Variants in APOBR observed in about 807,000 individuals in gnomAD.
APOBR encodes apoB-48R.
APOBR carries 57 observed loss-of-function variants against 88.5 expected under a neutral mutation model. The ratio of observed to expected loss-of-function variants is 0.64; its 90% CI spans 0.52 to 0.80. APOBR has a LOEUF of 0.80. Among genes scored for constraint, APOBR ranks in the 30% least tolerant of loss-of-function variants. The pLI is 0.00. For missense variants in APOBR, 1,443 were observed against 1,401.6 expected, an observed-to-expected ratio of 1.03 and a Z score of -0.47; for synonymous variants, 588 against 572.7, an observed-to-expected ratio of 1.03 and a Z score of -0.38.
chr16:28,497,800 AG>A lies in APOBR; in HGVS notation c.2762del (p.Gly921ValfsTer4). ...GAGGCACCAAGGCTCCTTGATGCAG[AG>A]GGTCTCATGGTGACCGGGGGCCGGA... is the stretch of plus-strand genomic sequence containing the variant. ...EGEAPRLLDA[E>X]GLMVTGGRRA... On this transcript the variant is annotated frameshift_variant, in exon 2 of 4. Transcript: ENST00000564831. LOFTEE classifies it high-confidence loss of function. 6.2e-7 allele frequency: 1 copy of A among 1,605,858 alleles called. No homozygotes were observed. Among genetic ancestry groups the A allele is most frequent in the South Asian group, 1.1e-5 (1 of 89,846 alleles).
intron 2 of APOBR, 22 bp from the exon 3 acceptor site, chr16:28,498,059 C>A: frequency 6.5e-7 from 1 of 1,544,066 alleles, no homozygotes; most frequent in Non-Finnish European, 8.7e-7. Context: ...CCCCATGGTC[C>A]TCTGTGCCCC....
chr16:28,495,236 G>C lies in APOBR; in HGVS notation c.195G>C (p.Glu65Asp). 1.3e-6 allele frequency: 2 copies of C among 1,542,304 alleles called. No individual in the cohort carries two copies. Among genetic ancestry groups the C allele is most frequent in the Non-Finnish European group, 1.7e-6 (2 of 1,147,944 alleles). The change falls in exon 2 of 4, where the codon GAG becomes GAC. Residue 65 changes from glutamate to aspartate, a missense_variant. Physicochemically the swap from Glu to Asp is conservative, Grantham distance 45 (BLOSUM62 2). Transcript: ENST00000564831. ...AGATTGTAGAGGAGGAAGCCCAGGA[G>C]GACCTGGAGGGCCTTAGAGGCAGCC... ...TGKIVEEEAQ[E>D]DLEGLRGSQN...
Position 28,498,651 on chromosome 16 carries a change from A to C in APOBR, c.*146A>C. 1.1e-6 allele frequency: 1 copy of C among 928,802 alleles called. No individual in the cohort carries two copies. Among genetic ancestry groups the C allele is most frequent in the Non-Finnish European group, 1.6e-6 (1 of 632,122 alleles). The allele number at this position is 928,802 out of a possible 1,614,324, so 57.5% of individuals were successfully genotyped here. On this transcript the variant is annotated 3_prime_UTR_variant, in exon 4 of 4. Transcript: ENST00000564831. ...TGTCTTGATGTATCATTCATGGAGCAGGCAAAACCAGACGTCTGGGAAGAC... is the reference window on the plus strand; with the variant it reads ...TGTCTTGATGTATCATTCATGGAGCCGGCAAAACCAGACGTCTGGGAAGAC...
In APOBR at chr16:28,496,953, C is replaced by T; in HGVS notation, c.1912C>T (p.Gln638Ter). The change falls in exon 2 of 4, where the codon CAG (glutamine) becomes TAG (stop). Residue 638 changes from glutamine to a stop codon, truncating the protein, a stop_gained. Transcript: ENST00000564831. LOFTEE classifies it high-confidence loss of function. ...TRKDMERGNT[Q>*]EDAADGEQRE... ...AAAGGACATGGAGAGAGGAAATACTCAGGAGGATGCGGCCGATGGCGAGCA... is the reference window on the plus strand; with the variant it reads ...AAAGGACATGGAGAGAGGAAATACTTAGGAGGATGCGGCCGATGGCGAGCA... The T allele has an allele frequency of 6.4e-7, 1 of 1,557,856 alleles. No homozygotes were observed. Among genetic ancestry groups the T allele is most frequent in the Non-Finnish European group, 8.7e-7 (1 of 1,151,698 alleles).
chr16:28,498,532 G>A lies in APOBR; in HGVS notation c.*27G>A, dbSNP rs1422623067. ...TGAGACCCGGTGCTCTGGGAGCCAG[G>A]CCCTGAGTGGGTGCCAGAAGGCTTG... On this transcript the variant is annotated 3_prime_UTR_variant, in exon 4 of 4. Transcript: ENST00000564831. The A allele has an allele frequency of 5.1e-6, 8 of 1,566,080 alleles. No homozygotes were observed. In the East Asian group the frequency reaches 1.2e-4, roughly 23 times the overall value.
chr16:28,496,696 G>A lies in APOBR; in HGVS notation c.1655G>A (p.Gly552Asp), dbSNP rs773280637. Reference sequence around the variant, plus strand: ...TGTGGCCTACTGGGCGTGGAATGGGGTGGCCTCACACACAGCGTCACCAAA... The same window carrying A: ...TGTGGCCTACTGGGCGTGGAATGGGATGGCCTCACACACAGCGTCACCAAA... Reference protein sequence around the residue: ...TSCGLLGVEWGGLTHSVTKGQ... With the variant: ...TSCGLLGVEWDGLTHSVTKGQ... Residue 552 changes from glycine to aspartate, a missense_variant, in exon 2 of 4, where the codon GGT (glycine) becomes GAT (aspartate). Physicochemically the swap from Gly to Asp is moderately conservative, Grantham distance 94. Coordinates refer to ENST00000564831, the MANE Select transcript of APOBR (RefSeq NM_018690.4). 6.2e-7 allele frequency: 1 copy of A among 1,604,388 alleles called. No homozygotes were observed. Among genetic ancestry groups the A allele is most frequent in the Admixed American group, 1.7e-5 (1 of 58,158 alleles).
Position 28,495,332 on chromosome 16 carries a change from A to G in APOBR, c.291A>G (p.Val97=). 6.4e-7 allele frequency: 1 copy of G among 1,554,692 alleles called. No individual in the cohort carries two copies. The highest frequency in any genetic ancestry group is 8.7e-7 in the Non-Finnish European group (1 of 1,150,292). ...GACATGAAGTGGGGAGCTCAGCTGTAGAACAGACCTGGGGCTGGGGAGATG... is the reference window on the plus strand; with the variant it reads ...GACATGAAGTGGGGAGCTCAGCTGTGGAACAGACCTGGGGCTGGGGAGATG... ...DRRHEVGSSA[V]EQTWGWGDGS... Residue 97 remains valine (V), a synonymous_variant, in exon 2 of 4, where the codon GTA becomes GTG. Transcript: ENST00000564831.
At position 28,496,833 on chromosome 16, in the gene APOBR, C is replaced by T; in HGVS notation, c.1792C>T (p.Gln598Ter). 1.3e-6 allele frequency: 2 copies of T among 1,560,612 alleles called. No homozygotes were observed. The highest frequency in any genetic ancestry group is 1.7e-6 in the Non-Finnish European group (2 of 1,152,172). The change falls in exon 2 of 4, where the codon CAG (glutamine) becomes TAG (stop). Residue 598 changes from glutamine (Q) to a stop codon, truncating the protein, a stop_gained. Coordinates refer to ENST00000564831, the MANE Select transcript of APOBR (RefSeq NM_018690.4). LOFTEE classifies it high-confidence loss of function. ...AGTTCTGGCCCTGAGCAAAGAGGAGCAGGAGAGGAGCCTGGAGGCAGGTCC... is the reference window on the plus strand; with the variant it reads ...AGTTCTGGCCCTGAGCAAAGAGGAGTAGGAGAGGAGCCTGGAGGCAGGTCC... ...MGVLALSKEEQERSLEAGPRH... is the reference protein window; with the variant it reads ...MGVLALSKEE
At position 28,497,309 on chromosome 16, in the gene APOBR, G is replaced by A. The variant is rs1210178074; in HGVS notation, c.2268G>A (p.Gln756=). 1 of 1,600,570 alleles carries A rather than the reference G, an allele frequency of 6.2e-7. No homozygotes were observed. Among genetic ancestry groups the A allele is most frequent in the South Asian group, 1.1e-5 (1 of 89,190 alleles). ...AVGLPDREDA[Q]TGSVAAGIMG... The stretch of plus-strand genomic sequence containing the variant: ...GCCTCCCGGACCGTGAGGATGCACA[G>A]ACTGGCTCTGTGGCTGCTGGGATTA... The change falls in exon 2 of 4, where the codon CAG becomes CAA. Residue 756 remains glutamine, a synonymous_variant. Transcript: ENST00000564831.
rs190218929 is a variant in APOBR at position 28,496,925 on chromosome 16, G to A, written c.1884G>A (p.Thr628=). Residue 628 remains threonine (T), a synonymous_variant, in exon 2 of 4, where the codon ACG becomes ACA. Coordinates refer to ENST00000564831, the MANE Select transcript of APOBR (RefSeq NM_018690.4). ...TCCCAGGAGCCTGGGAAAACCGCAC[G>A]AGAAAGGACATGGAGAGAGGAAATA... ...EAFPGAWENR[T]RKDMERGNTQ... is the part of the protein sequence containing the mutation. 6.4e-5 allele frequency: 100 copies of A among 1,560,590 alleles called. No individual in the cohort carries two copies. In the East Asian group the frequency reaches 1.9e-3, roughly 30 times the overall value.
In APOBR at chr16:28,495,693, G is replaced by A; in HGVS notation, c.652G>A (p.Ala218Thr). ...GKAGAVGPKA[A>T]GDNREMEQGV... is the part of the protein sequence containing the mutation. ...GGCTGGTGCTGTTGGGCCAAAGGCG[G>A]CAGGGGACAACCGGGAGATGGAGCA... Residue 218 changes from alanine (A) to threonine (T), a missense_variant, in exon 2 of 4, where the codon GCA becomes ACA. Physicochemically the swap from Ala to Thr is moderately conservative, Grantham distance 58 (BLOSUM62 0). Coordinates refer to ENST00000564831, the MANE Select transcript of APOBR (RefSeq NM_018690.4). 6.5e-7 allele frequency: 1 copy of A among 1,533,460 alleles called. No homozygotes were observed. The allele number at this position is 1,533,460 out of a possible 1,614,324, so 95.0% of individuals were successfully genotyped here. A position where few individuals can be genotyped will look rare whatever the true frequency, so the allele number is the denominator to read the frequency against.
chr16:28,498,937 A>C lies in APOBR; in HGVS notation c.*432A>C. The C allele has an allele frequency of 4.4e-6, 2 of 451,346 alleles. No homozygotes were observed. The highest frequency in any genetic ancestry group is 8.5e-6 in the Non-Finnish European group (2 of 234,406). 28.0% of individuals were successfully genotyped at this position (451,346 alleles called of 1,614,324 possible). ...CATCTTTTAAAAACAAAATAAAACA[A>C]TAAAGACTGCAAGGAAGACTGAGGG... On this transcript the variant is annotated 3_prime_UTR_variant, in exon 4 of 4. Coordinates refer to ENST00000564831, the MANE Select transcript of APOBR (RefSeq NM_018690.4).
Position 28,497,632 on chromosome 16 carries a change from G to A in APOBR, c.2591G>A (p.Arg864Lys). 1.2e-6 allele frequency: 2 copies of A among 1,605,500 alleles called. No individual in the cohort carries two copies. Among genetic ancestry groups the A allele is most frequent in the East Asian group, 2.2e-5 (1 of 44,624 alleles). ...GLDPAGSQTARAEGMGAMVEA... is the reference protein window; with the variant it reads ...GLDPAGSQTAKAEGMGAMVEA... ...GATCCCGCGGGCTCCCAGACAGCGA[G>A]GGCAGAGGGGATGGGAGCCATGGTG... Residue 864 changes from arginine to lysine, a missense_variant, in exon 2 of 4, where the codon AGG becomes AAG. Physicochemically the swap from Arg to Lys is conservative, Grantham distance 26. Coordinates refer to ENST00000564831, the MANE Select transcript of APOBR (RefSeq NM_018690.4).
rs772143517 is a variant in APOBR, at chr16:28,495,755, G to T, written c.714G>T (p.Glu238Asp). 2.6e-6 allele frequency: 4 copies of T among 1,551,740 alleles called. No homozygotes were observed. In the South Asian group the frequency reaches 3.6e-5, roughly 14 times the overall value. ...VREADAGETE[E>D]PGAEGAGKGE... ...AGGCAGATGCAGGGGAAACTGAGGAGCCTGGGGCCGAAGGGGCTGGGAAAG... is the reference window on the plus strand; with the variant it reads ...AGGCAGATGCAGGGGAAACTGAGGATCCTGGGGCCGAAGGGGCTGGGAAAG... The change falls in exon 2 of 4, where the codon GAG (glutamate) becomes GAT (aspartate). Residue 238 changes from glutamate (E) to aspartate (D), a missense_variant. Coordinates refer to ENST00000564831, the MANE Select transcript of APOBR (RefSeq NM_018690.4).
In APOBR at chr16:28,498,314, C is replaced by T; in HGVS notation, c.3189C>T (p.Thr1063=). 1 of 1,600,206 alleles carries T rather than the reference C, an allele frequency of 6.2e-7. No individual in the cohort carries two copies. Residue 1063 remains threonine, a synonymous_variant, in exon 3 of 4, where the codon ACC becomes ACT. Transcript: ENST00000564831. ...LEPSPLRHDG[T]PVPARRRPLG... is the part of the protein sequence containing the mutation. ...CAAGCCCTCTGAGGCATGATGGGAC[C>T]CCGGTGCCAGCCAGGAGAAGGCCCC...
intron 1 of APOBR, 164 bp downstream of exon 1, chr16:28,494,902 A>G (rs567808045): frequency 2.6e-4 from 220 of 859,722 alleles, no homozygotes; most frequent in Non-Finnish European, 3.5e-4. Context: ...TATTTTCTGA[A>G]TTTCAGTCCC....
In APOBR at chr16:28,496,737, C is replaced by A. The variant is rs756808221; in HGVS notation, c.1696C>A (p.Leu566Met). The change falls in exon 2 of 4, where the codon CTG (leucine) becomes ATG (methionine). Residue 566 changes from leucine to methionine, a missense_variant. Transcript: ENST00000564831. ...CGTCACCAAAGGCCAAGGACCTGAGCTGATGGGGGGCGCCCAGACCCCAAC... is the reference window on the plus strand; with the variant it reads ...CGTCACCAAAGGCCAAGGACCTGAGATGATGGGGGGCGCCCAGACCCCAAC... ...HSVTKGQGPE[L>M]MGGAQTPTKQ... is the part of the protein sequence containing the mutation. 1 of 1,592,926 alleles carries A rather than the reference C, an allele frequency of 6.3e-7. No individual in the cohort carries two copies.
Position 28,496,556 on chromosome 16 carries a change from G to T in APOBR, c.1515G>T (p.Val505=). 6.4e-7 allele frequency: 1 copy of T among 1,564,880 alleles called. No individual in the cohort carries two copies. Among genetic ancestry groups the T allele is most frequent in the Non-Finnish European group, 8.7e-7 (1 of 1,155,462 alleles). The change falls in exon 2 of 4, where the codon GTG becomes GTT. Residue 505 remains valine (V), a synonymous_variant. Transcript: ENST00000564831. ...QEERGSSRDP[V]AELPSDGEAE... ...AGAGAGGGAGCAGCAGGGATCCAGTGGCTGAGCTGCCCTCAGATGGAGAGG... is the reference window on the plus strand; with the variant it reads ...AGAGAGGGAGCAGCAGGGATCCAGTTGCTGAGCTGCCCTCAGATGGAGAGG...
Position 28,497,815 on chromosome 16 carries a change from C to CCGGGGGCCGGAGGG in APOBR, c.2776_2789dup (p.Glu931GlyfsTer68). 6.2e-7 allele frequency: 1 copy of CCGGGGGCCGGAGGG among 1,606,656 alleles called. No individual in the cohort carries two copies. Among genetic ancestry groups the CCGGGGGCCGGAGGG allele is most frequent in the Non-Finnish European group, 8.5e-7 (1 of 1,176,790 alleles). ...CTTGATGCAGAGGGTCTCATGGTGA[C>CCGGGGGCCGGAGGG]CGGGGGCCGGAGGGCAGAGGCCAAG... On this transcript the variant is annotated frameshift_variant, in exon 2 of 4. Transcript: ENST00000564831. LOFTEE classifies it high-confidence loss of function.
Sources: allele counts gnomAD v4.1 joint callset, GRCh38; gene constraint gnomAD v4.1.1; transcripts MANE v1.5; gene names NCBI Gene and HGNC (gene_info 2026-07-23, HGNC 2026-07-21).